Variants in TTF2 observed in about 807,000 individuals in gnomAD.
TTF2 encodes the protein transcription termination factor 2, also known as RNA polymerase II termination factor.
In TTF2, 108 loss-of-function variants were observed where a neutral mutation model predicts 142.4. The ratio of observed to expected loss-of-function variants is 0.76; its 90% CI spans 0.65 to 0.89. The LOEUF (loss-of-function observed/expected upper bound fraction) is 0.89. TTF2 is among the 40% of genes least tolerant of loss of function. The probability of loss-of-function intolerance (pLI) is 0.00; values close to 1 mark genes in which losing one functional copy is unlikely to be tolerated. For synonymous variants in TTF2, 483 were observed against 506.2 expected (o/e 0.95, Z 0.61); for missense variants, 1,327 against 1,379.8 (o/e 0.96, Z 0.61).
In TTF2 at chr1:117,067,306, C is replaced by T. The variant is rs971078715; in HGVS notation, c.218+4833C>T. Among the ~76,000 whole-genome samples, 10 of 152,036 alleles carry T rather than the reference C, an allele frequency of 6.6e-5. No homozygotes were observed. In the East Asian group the frequency reaches 9.7e-4, roughly 15 times the overall value. On this transcript the variant is annotated intron_variant, in intron 3 of 22. Transcript: ENST00000369466. Reference sequence around the variant, plus strand: ...CAGCATTTTGGGAGGCCAAGGCCGGCGGATCACTTGAGGCCAGGAGTTCAA... The same window carrying T: ...CAGCATTTTGGGAGGCCAAGGCCGGTGGATCACTTGAGGCCAGGAGTTCAA...
chr1:117,092,951 A>T lies in TTF2; in HGVS notation c.2976+50A>T, dbSNP rs372600730. The T allele has an allele frequency of 2.2e-5, 35 of 1,600,382 alleles. No individual in the cohort carries two copies. The highest frequency in any genetic ancestry group is 3.0e-5 in the Non-Finnish European group (35 of 1,171,268). ...GTCGAGAGACTTCGATTCCTCACAC[A>T]TTTTCCTGTGTGACAGCACTTCATT... On this transcript the variant is annotated intron_variant, in intron 18 of 22. Coordinates refer to ENST00000369466, the MANE Select transcript of TTF2 (RefSeq NM_003594.4). This position sits in a 1 kb window ranked among gnomAD's most constrained non-coding sequence, Gnocchi z 4.4.
Position 117,096,186 on chromosome 1 carries a change from G to A in TTF2, c.3073G>A (p.Val1025Ile). The change falls in exon 20 of 23, where the codon GTA (valine) becomes ATA (isoleucine). Residue 1025 changes from valine to isoleucine, a missense_variant. By Grantham distance (29) the Val-to-Ile change is conservative. Transcript: ENST00000369466. Reference protein sequence around the residue: ...VSQWTNMLKVVALHLKKHGLT... With the variant: ...VSQWTNMLKVIALHLKKHGLT... The stretch of plus-strand genomic sequence containing the variant: ...TCAGTGGACCAACATGCTGAAAGTT[G>A]TAGCATTGCACCTGAAGAAGCATGG... The A allele has an allele frequency of 1.2e-6, 2 of 1,614,040 alleles. No homozygotes were observed. The highest frequency in any genetic ancestry group is 1.1e-5 in the South Asian group (1 of 91,068).
rs145711967 is a variant in TTF2, at chr1:117,077,572, C to T, written c.1574-344C>T. Among the ~76,000 whole-genome samples the T allele has an allele frequency of 1.3e-4, 20 of 152,160 alleles. No individual in the cohort carries two copies. The East Asian group carries it at 3.7e-3, about 28-fold the overall frequency. ...ATAGATCCACAGAGAGCAATAACACCCTATTAGCTAAGTGTTTCCTTCCTG... is the reference window on the plus strand; with the variant it reads ...ATAGATCCACAGAGAGCAATAACACTCTATTAGCTAAGTGTTTCCTTCCTG... On this transcript the variant is annotated intron_variant, in intron 7 of 22. Transcript: ENST00000369466.
In TTF2 at chr1:117,076,950, G is replaced by C; in HGVS notation, c.1573+127G>C. The C allele has an allele frequency of 1.3e-6, 1 of 769,430 alleles. No homozygotes were observed. The highest frequency in any genetic ancestry group is 2.7e-5 in the East Asian group (1 of 36,364). The allele number at this position is 769,430 out of a possible 1,614,324, so 47.7% of individuals were successfully genotyped here. On this transcript the variant is annotated intron_variant, in intron 7 of 22. Coordinates refer to ENST00000369466, the MANE Select transcript of TTF2 (RefSeq NM_003594.4). This position sits in a 1 kb window ranked among gnomAD's most constrained non-coding sequence, Gnocchi z 4.6. ...AGTCACCTGTGGTTCAAAAAAAGGT[G>C]AGTACAGTACAGTAAGATATTTTGA...
At chr1:117,098,534 G>A (rs561971628) in intron 21 of TTF2, 12 of 248,244 alleles carry the variant, frequency 4.8e-5, no homozygotes, top group South Asian at 8.2e-5. Context: ...TCTGACCCTA[G>A]TTTCTCACTA....
rs536913037 is a variant in TTF2 at position 117,097,866 on chromosome 1, A to G, written c.3269+433A>G. Among the ~76,000 whole-genome samples, 3 of 152,366 alleles carry G rather than the reference A, an allele frequency of 2.0e-5. No homozygotes were observed. In the East Asian group the frequency reaches 5.8e-4, roughly 29 times the overall value. Reference sequence around the variant, plus strand: ...GAAAAGGAATAGGGATTTTCTAATTATGTTAGAAATACACTTAATACCTCA... The same window carrying G: ...GAAAAGGAATAGGGATTTTCTAATTGTGTTAGAAATACACTTAATACCTCA... On this transcript the variant is annotated intron_variant, in intron 21 of 22. Transcript: ENST00000369466. The surrounding 1 kb of genome is among the most constrained non-coding windows in gnomAD (Gnocchi z 4.1).
Position 117,091,207 on chromosome 1 carries a change from T to G in TTF2, c.2589-121T>G, listed in dbSNP as rs755235271. The G allele has an allele frequency of 3.1e-5, 23 of 732,042 alleles. 1 individual carries two copies. Among genetic ancestry groups the G allele is most frequent in the South Asian group, 2.8e-4 (11 of 39,936 alleles). 45.3% of individuals were successfully genotyped at this position (732,042 alleles called of 1,614,324 possible). ...TTGCATTACCTTTGGCCATTGCTTC[T>G]TATGAGCTTGGCATCATTTAACAAG... is the stretch of plus-strand genomic sequence containing the variant. On this transcript the variant is annotated intron_variant, in intron 15 of 22. Transcript: ENST00000369466.
At chr1:117,089,250 CAAA>C (rs1557824263) in intron 13 of TTF2, among the ~76,000 whole-genome samples, 39 of 85,166 alleles carry the variant, frequency 4.6e-4, no homozygotes, top group Admixed American at 1.9e-3. Flanking sequence ...AAAATATATG[CAAA>C]TATATGCTAT....
In TTF2 at chr1:117,097,214, A is replaced by G. The variant is rs1056448204; in HGVS notation, c.3187-137A>G. On this transcript the variant is annotated intron_variant, in intron 20 of 22. Transcript: ENST00000369466. The surrounding 1 kb of genome is among the most constrained non-coding windows in gnomAD (Gnocchi z 4.1). ...AGATAGCATTATAATGTTAAAAAAA[A>G]AAACAATTTATAACAGCAGAAGGAA... 7 of 747,810 alleles carry G rather than the reference A, an allele frequency of 9.4e-6. No individual in the cohort carries two copies. Among genetic ancestry groups the G allele is most frequent in the African/African-American group, 1.8e-5 (1 of 56,638 alleles). The allele number at this position is 747,810 out of a possible 1,614,324, so 46.3% of individuals were successfully genotyped here.
At position 117,104,574 on chromosome 1, in the gene TTF2, T is replaced by C. The variant is rs1649813710; in HGVS notation, c.*3050T>C. ...ACAGCTTTTCTAATTTCTCATGTTA[T>C]TGTACATAAGCAAAGCAACCTAGTT... On this transcript the variant is annotated 3_prime_UTR_variant, in exon 23 of 23. Coordinates refer to ENST00000369466, the MANE Select transcript of TTF2 (RefSeq NM_003594.4). 6.6e-6 allele frequency: 1 copy of C among 152,246 alleles called. No individual in the cohort carries two copies. Among genetic ancestry groups the C allele is most frequent in the South Asian group, 2.1e-4 (1 of 4,834 alleles). 9.4% of individuals were successfully genotyped at this position (152,246 alleles called of 1,614,324 possible).
In TTF2 at chr1:117,085,139, T is replaced by G. The variant is rs940069429; in HGVS notation, c.2054+971T>G. Among the ~76,000 whole-genome samples, 1 of 152,244 alleles carries G rather than the reference T, an allele frequency of 6.6e-6. No homozygotes were observed. Among genetic ancestry groups the G allele is most frequent in the Non-Finnish European group, 1.5e-5 (1 of 68,036 alleles). ...AGCCTAACTTGTTTGGTATTTAGAA[T>G]GTACTAGTTGACCGATTAGAATCAT... On this transcript the variant is annotated intron_variant, in intron 11 of 22. Transcript: ENST00000369466. This position sits in a 1 kb window ranked among gnomAD's most constrained non-coding sequence, Gnocchi z 4.7.
Position 117,079,711 on chromosome 1 carries a change from A to AGTGTT in TTF2, c.1783+65_1783+69dup. 2 of 1,478,844 alleles carry AGTGTT rather than the reference A, an allele frequency of 1.4e-6. No individual in the cohort carries two copies. The highest frequency in any genetic ancestry group is 9.5e-7 in the Non-Finnish European group (1 of 1,056,786). 91.6% of individuals were successfully genotyped at this position (1,478,844 alleles called of 1,614,324 possible). ...TGCTTAGGCATTGTGCTAAACACGT[A>AGTGTT]GTGTTGTTTCATTTATTCCTCTCAA... On this transcript the variant is annotated intron_variant, in intron 9 of 22. Transcript: ENST00000369466. This position sits in a 1 kb window ranked among gnomAD's most constrained non-coding sequence, Gnocchi z 4.2.
At chr1:117,069,810 GA>G (rs538020878) in intron 3 of TTF2, among the ~76,000 whole-genome samples, 27 of 152,296 alleles carry the variant, frequency 1.8e-4, no homozygotes, top group Admixed American at 8.5e-4. Context: ...TTACCTTTAG[GA>G]AAATGGGAGG....
At chr1:117,066,284 C>A (rs1279627542) in intron 3 of TTF2, among the ~76,000 whole-genome samples, 1 of 152,094 alleles carries the variant, frequency 6.6e-6, no homozygotes, top group Non-Finnish European at 1.5e-5. Flanking sequence ...GGGATTTAAA[C>A]CCAGGTCCAA....
chr1:117,096,201 A>C lies in TTF2; in HGVS notation c.3088A>C (p.Lys1030Gln). 6.2e-7 allele frequency: 1 copy of C among 1,614,072 alleles called. No individual in the cohort carries two copies. Among genetic ancestry groups the C allele is most frequent in the Non-Finnish European group, 8.5e-7 (1 of 1,180,012 alleles). Residue 1030 changes from lysine (K) to glutamine (Q), a missense_variant, in exon 20 of 23, where the codon AAG (lysine) becomes CAG (glutamine). Physicochemically the swap from Lys to Gln is moderately conservative, Grantham distance 53. Coordinates refer to ENST00000369466, the MANE Select transcript of TTF2 (RefSeq NM_003594.4). ...GCTGAAAGTTGTAGCATTGCACCTG[A>C]AGAAGCATGGACTGACTTATGCCAC... ...NMLKVVALHLKKHGLTYATID... is the reference protein window; with the variant it reads ...NMLKVVALHLQKHGLTYATID...
At chr1:117,089,243 AT>A (rs1284830794) in intron 13 of TTF2, among the ~76,000 whole-genome samples, 1 of 101,618 alleles carries the variant, frequency 9.8e-6, no homozygotes, top group Non-Finnish European at 2.2e-5. Context: ...TATATGCAAA[AT>A]ATATGCAAAT....
chr1:117,082,146 T>G (rs1435082552), intron 10 of TTF2, 199 bp downstream of exon 10: 1 of 786,424 alleles, frequency 1.3e-6, no homozygotes, highest in African/African-American at 1.7e-5. Context: ...TCCGTATAAA[T>G]TTGCCTATAA....
rs1030726732 is a variant in TTF2 at position 117,073,476 on chromosome 1, G to A, written c.219-185G>A. Among the ~76,000 whole-genome samples the A allele has an allele frequency of 6.6e-6, 1 of 152,128 alleles. No homozygotes were observed. Among genetic ancestry groups the A allele is most frequent in the African/African-American group, 2.4e-5 (1 of 41,418 alleles). On this transcript the variant is annotated intron_variant, in intron 3 of 22. Transcript: ENST00000369466. The surrounding 1 kb of genome is among the most constrained non-coding windows in gnomAD (Gnocchi z 4.4). ...GCCATATTTATTCTTGGACTTCCTA[G>A]CCCTTATAAATGTTCTGTGCAGTAA...
In TTF2 at chr1:117,100,179, C is replaced by T. The variant is rs1649470884; in HGVS notation, c.3345-1201C>T. Among the ~76,000 whole-genome samples the T allele has an allele frequency of 6.6e-6, 1 of 152,216 alleles. No homozygotes were observed. Among genetic ancestry groups the T allele is most frequent in the Non-Finnish European group, 1.5e-5 (1 of 68,038 alleles). ...AATGTTACAAATAGAAATTGATTTTCTCTTCCTATTATCTCAAATCTGCTA... is the reference window on the plus strand; with the variant it reads ...AATGTTACAAATAGAAATTGATTTTTTCTTCCTATTATCTCAAATCTGCTA... On this transcript the variant is annotated intron_variant, in intron 22 of 22. Transcript: ENST00000369466. This position sits in a 1 kb window ranked among gnomAD's most constrained non-coding sequence, Gnocchi z 4.6.
Sources: gnomAD v4.1 joint callset for allele counts (sites outside exome capture counted in the v4.1 genomes callset) on GRCh38, gnomAD v4.1.1 for gene constraint, Gnocchi (gnomAD v3.1) non-coding constraint, MANE v1.5 for transcripts, NCBI Gene and HGNC (gene_info 2026-07-23, HGNC 2026-07-21) for gene names.